The following PPP1R3A variants were observed in gnomAD, a reference collection of about 807,000 sequenced individuals.
PPP1R3A encodes protein phosphatase 1 regulatory subunit 3A, also known as RG1.
In PPP1R3A, 29 loss-of-function variants were observed where a neutral mutation model predicts 41.7. The ratio of observed to expected loss-of-function variants is 0.70; its 90% CI spans 0.52 to 0.95. The LOEUF (loss-of-function observed/expected upper bound fraction) is 0.95. Among genes scored for constraint, PPP1R3A ranks in the 40% least tolerant of loss-of-function variants. PPP1R3A has a pLI of 0.00. For missense variants in PPP1R3A, 1,352 were observed against 1,292.4 expected (o/e 1.05, Z -0.71); for synonymous variants, 485 against 453.4 (o/e 1.07, Z -0.89).
Position 113,879,458 on chromosome 7 carries a change from A to G in PPP1R3A, c.1634T>C (p.Met545Thr). 1 of 1,613,510 alleles carries G rather than the reference A, an allele frequency of 6.2e-7. No homozygotes were observed. The highest frequency in any genetic ancestry group is 8.5e-7 in the Non-Finnish European group (1 of 1,179,704). Residue 545 changes from methionine to threonine, a missense_variant, in exon 4 of 4, where the codon ATG (methionine) becomes ACG (threonine). Coordinates refer to ENST00000284601, the MANE Select transcript of PPP1R3A (RefSeq NM_002711.4). ...TGCCACACTTATTTTAGGGTTACCC[A>G]TCTTCCTTTCTTGGTCATGTAAGAT... is the stretch of plus-strand genomic sequence containing the variant. ...QTILHDQERK[M>T]GNPKISVAGI...
chr7:113,878,192 G>T lies in PPP1R3A; in HGVS notation c.2900C>A (p.Pro967His), dbSNP rs1260125217. The T allele has an allele frequency of 1.2e-6, 2 of 1,613,300 alleles. No individual in the cohort carries two copies. Among genetic ancestry groups the T allele is most frequent in the Non-Finnish European group, 1.7e-6 (2 of 1,179,624 alleles). Residue 967 changes from proline to histidine, a missense_variant, in exon 4 of 4, where the codon CCT becomes CAT. Coordinates refer to ENST00000284601, the MANE Select transcript of PPP1R3A (RefSeq NM_002711.4). Reference protein sequence around the residue: ...TREIQGIEKHPYPESKPEEVS... With the variant: ...TREIQGIEKHHYPESKPEEVS... ...TTCTTCAGGTTTAGACTCAGGATAA[G>T]GGTGCTTCTCAATACCCTGGATTTC...
At chr7:113,912,834 T>C (rs1003845041) in intron 1 of PPP1R3A, among the ~76,000 whole-genome samples, 1 of 152,040 alleles carries the variant, frequency 6.6e-6, no homozygotes, top group Non-Finnish European at 1.5e-5. Context: ...GAGGATCCAT[T>C]TGAGGCATGG....
At chr7:113,906,706 A>T (rs1797153909) in intron 1 of PPP1R3A, among the ~76,000 whole-genome samples, 1 of 151,800 alleles carries the variant, frequency 6.6e-6, no homozygotes, top group Non-Finnish European at 1.5e-5. Context: ...TAGGCCTCAG[A>T]GTTATCTATG....
chr7:113,878,858 G>T lies in PPP1R3A; in HGVS notation c.2234C>A (p.Ser745Tyr). Residue 745 changes from serine (S) to tyrosine (Y), a missense_variant, in exon 4 of 4, where the codon TCT (serine) becomes TAT (tyrosine). Ser to Tyr is a moderately radical substitution (Grantham distance 144). Coordinates refer to ENST00000284601, the MANE Select transcript of PPP1R3A (RefSeq NM_002711.4). The stretch of plus-strand genomic sequence containing the variant: ...AGCAATTATTGCTTTTTCTCTAGCA[G>T]ACATGCTTTCTGGAGTACTTTCTGA... ...TTSESTPESM[S>Y]AREKAIIAKL... 6.2e-7 allele frequency: 1 copy of T among 1,613,130 alleles called. No individual in the cohort carries two copies. The highest frequency in any genetic ancestry group is 8.5e-7 in the Non-Finnish European group (1 of 1,179,768).
intron 3 of PPP1R3A, among the ~76,000 whole-genome samples, chr7:113,881,799 C>T (rs1445543694): frequency 6.6e-6 from 1 of 151,980 alleles, no homozygotes; most frequent in Non-Finnish European, 1.5e-5. Flanking sequence ...AACTATTACT[C>T]AGAGCCACTG....
At position 113,879,787 on chromosome 7, in the gene PPP1R3A, T is replaced by C. The variant is rs1304033654; in HGVS notation, c.1305A>G (p.Lys435=). The part of the protein sequence containing the change: ...DELVQLHTGS[K]EVLDDNANPA... ...GATTAGCATTATCATCCAGGACTTC[T>C]TTGCTGCCAGTATGTAATTGCACTA... Residue 435 remains lysine, a synonymous_variant, in exon 4 of 4, where the codon AAA becomes AAG. Coordinates refer to ENST00000284601, the MANE Select transcript of PPP1R3A (RefSeq NM_002711.4). 19 of 1,613,408 alleles carry C rather than the reference T, an allele frequency of 1.2e-5. No homozygotes were observed. Among genetic ancestry groups the C allele is most frequent in the Non-Finnish European group, 1.6e-5 (19 of 1,179,708 alleles).
rs770196244 is a variant in PPP1R3A at position 113,879,343 on chromosome 7, A to G, written c.1749T>C (p.His583=). Reference sequence around the variant, plus strand: ...CCCAACTTAAATTTGTCCTTGGTGAATGAGACACATCTGCTGTGATTGCCC... The same window carrying G: ...CCCAACTTAAATTTGTCCTTGGTGAGTGAGACACATCTGCTGTGATTGCCC... ...PTRAITADVS[H]SPRTNLSWEE... Residue 583 remains histidine (H), a synonymous_variant, in exon 4 of 4, where the codon CAT becomes CAC. Coordinates refer to ENST00000284601, the MANE Select transcript of PPP1R3A (RefSeq NM_002711.4). 9 of 1,613,604 alleles carry G rather than the reference A, an allele frequency of 5.6e-6. No homozygotes were observed. The highest frequency in any genetic ancestry group is 7.6e-6 in the Non-Finnish European group (9 of 1,179,704).
At chr7:113,883,174 G>C (rs1796723177) in intron 1 of PPP1R3A, among the ~76,000 whole-genome samples, 1 of 152,012 alleles carries the variant, frequency 6.6e-6, no homozygotes, top group African/African-American at 2.4e-5. Flanking sequence ...TTTGTGTATA[G>C]TTATGTCACA....
At chr7:113,882,667 T>C (rs1462452854) in intron 1 of PPP1R3A, among the ~76,000 whole-genome samples, 3 of 151,982 alleles carry the variant, frequency 2.0e-5, no homozygotes, top group Non-Finnish European at 2.9e-5. Context: ...TTTCATCTTT[T>C]CAAGTGAGAA....
intron 1 of PPP1R3A, among the ~76,000 whole-genome samples, chr7:113,910,649 T>A (rs1335628137): frequency 2.0e-5 from 3 of 152,124 alleles, no homozygotes; most frequent in African/African-American, 7.2e-5. Context: ...GTTTTTCAAA[T>A]ATAGTTTGTG....
Position 113,878,820 on chromosome 7 carries a change from C to G in PPP1R3A, c.2272G>C (p.Glu758Gln). Residue 758 changes from glutamate (E) to glutamine (Q), a missense_variant, in exon 4 of 4, where the codon GAG becomes CAG. Coordinates refer to ENST00000284601, the MANE Select transcript of PPP1R3A (RefSeq NM_002711.4). ...EKAIIAKLPQ[E>Q]TARSDRPIEV... ...ATGGGCCTGTCACTTCGTGCTGTCT[C>G]TTGAGGTAGCTTAGCAATTATTGCT... 1 of 1,613,540 alleles carries G rather than the reference C, an allele frequency of 6.2e-7. No homozygotes were observed. The highest frequency in any genetic ancestry group is 8.5e-7 in the Non-Finnish European group (1 of 1,179,762).
At chr7:113,903,559 T>G (rs1281277645) in intron 1 of PPP1R3A, among the ~76,000 whole-genome samples, 1 of 151,772 alleles carries the variant, frequency 6.6e-6, no homozygotes, top group Non-Finnish European at 1.5e-5. Context: ...ACCATTCGTA[T>G]AACATCATCA....
In PPP1R3A at chr7:113,877,612, C is replaced by T; in HGVS notation, c.*111G>A. On this transcript the variant is annotated 3_prime_UTR_variant, in exon 4 of 4. Transcript: ENST00000284601. The stretch of plus-strand genomic sequence containing the variant: ...TATTCGCGTCCCTTTTTAAATGATC[C>T]TTCAAGAGAAAAACTGCACTGGATC... 1 of 1,291,798 alleles carries T rather than the reference C, an allele frequency of 7.7e-7. No homozygotes were observed. The highest frequency in any genetic ancestry group is 1.6e-5 in the South Asian group (1 of 62,116). 80.0% of individuals were successfully genotyped at this position (1,291,798 alleles called of 1,614,324 possible).
chr7:113,913,309 C>T (rs1170588397), intron 1 of PPP1R3A, among the ~76,000 whole-genome samples: 1 of 152,120 alleles, frequency 6.6e-6, no homozygotes, highest in East Asian at 1.9e-4. Context: ...CTGACTGAAA[C>T]ACACAATGTA....
intron 1 of PPP1R3A, among the ~76,000 whole-genome samples, chr7:113,902,717 A>AAAGT (rs1243532946): frequency 5.3e-5 from 8 of 151,968 alleles, no homozygotes; most frequent in African/African-American, 1.7e-4. Flanking sequence ...TTCTTTTGAG[A>AAAGT]AAGTGAAGGA....
intron 1 of PPP1R3A, among the ~76,000 whole-genome samples, chr7:113,916,323 C>T (rs531992143): frequency 2.6e-5 from 4 of 151,948 alleles, no homozygotes; most frequent in Admixed American, 6.6e-5. Context: ...GAATGGTGTC[C>T]GCTGTGAATC....
chr7:113,881,613 T>C (rs539516180), intron 3 of PPP1R3A, among the ~76,000 whole-genome samples: 11 of 152,198 alleles, frequency 7.2e-5, no homozygotes, highest in African/African-American at 2.6e-4. Flanking sequence ...AAGGATGGAA[T>C]TTTTTAAAAA....
intron 1 of PPP1R3A, among the ~76,000 whole-genome samples, chr7:113,908,326 G>C (rs28611063): frequency 4.6e-5 from 7 of 151,854 alleles, no homozygotes; most frequent in Non-Finnish European, 1.0e-4. Flanking sequence ...TGAAAAGCTC[G>C]TGTGTGCACA....
At position 113,891,097 on chromosome 7, in the gene PPP1R3A, A is replaced by C. The variant is rs1365815212; in HGVS notation, c.783-8777T>G. ...GTGGAAAAAAAGCAAAAAAAAAAAA[A>C]AAAAAAAAAAAAAAAAACCCTGCAT... On this transcript the variant is annotated intron_variant, in intron 1 of 3. Coordinates refer to ENST00000284601, the MANE Select transcript of PPP1R3A (RefSeq NM_002711.4). Among the ~76,000 whole-genome samples the C allele has an allele frequency of 1.1e-3, 169 of 149,552 alleles. 2 individuals carry two copies. In the South Asian group the frequency reaches 0.02, roughly 17 times the overall value.
Sources: allele counts gnomAD v4.1 joint callset (sites outside exome capture counted in the v4.1 genomes callset), GRCh38; gene constraint gnomAD v4.1.1; transcripts MANE v1.5; gene names NCBI Gene and HGNC (gene_info 2026-07-23, HGNC 2026-07-21).